Variants in PTPRN2 observed in about 807,000 individuals in gnomAD.
PTPRN2 encodes protein tyrosine phosphatase receptor type N2, also known as receptor-type tyrosine-protein phosphatase N2.
Under a neutral mutation model 118.8 loss-of-function variants are expected in PTPRN2, and 74 were observed. The observed-to-expected ratio is 0.62, with a 90% CI of 0.52 to 0.76. PTPRN2 has a LOEUF of 0.76. PTPRN2 is among the 30% of genes least tolerant of loss of function. The probability of loss-of-function intolerance (pLI) is 0.00; values close to 1 mark genes in which losing one functional copy is unlikely to be tolerated. For synonymous variants in PTPRN2, 641 were observed against 608.0 expected (o/e 1.05, Z -0.80); for missense variants, 1,481 against 1,394.4 (o/e 1.06, Z -0.99).
chr7:158,136,264 C>A (rs780452476), intron 8 of PTPRN2, among the ~76,000 whole-genome samples: 1 of 152,200 alleles, frequency 6.6e-6, no homozygotes, highest in Non-Finnish European at 1.5e-5. Flanking sequence ...AGGTGCCACA[C>A]GGGACAGCCA....
At chr7:158,052,879 C>T (rs1419964691) in intron 11 of PTPRN2, among the ~76,000 whole-genome samples, 1 of 152,206 alleles carries the variant, frequency 6.6e-6, no homozygotes, top group Non-Finnish European at 1.5e-5. Flanking sequence ...CCAGGCTGTC[C>T]CCAGCCTAGG....
At chr7:158,101,490 G>A (rs1284142624) in intron 10 of PTPRN2, among the ~76,000 whole-genome samples, 2 of 152,174 alleles carry the variant, frequency 1.3e-5, no homozygotes, top group Non-Finnish European at 2.9e-5. Flanking sequence ...GAACCCAATA[G>A]CAAATGCAAC....
chr7:158,425,065 C>T (rs1815597111), intron 2 of PTPRN2, among the ~76,000 whole-genome samples: 1 of 152,242 alleles, frequency 6.6e-6, no homozygotes, highest in African/African-American at 2.4e-5. Flanking sequence ...ATGTGGCCAT[C>T]ACTTGAGGCC....
At chr7:157,995,573 G>A (rs1454392337) in intron 11 of PTPRN2, among the ~76,000 whole-genome samples, 2 of 152,262 alleles carry the variant, frequency 1.3e-5, no homozygotes, top group Admixed American at 6.5e-5. Context: ...TTCCTGGAAG[G>A]CAGCAAACCT....
chr7:157,825,149 T>C (rs1807089810), intron 12 of PTPRN2, among the ~76,000 whole-genome samples: 1 of 152,208 alleles, frequency 6.6e-6, no homozygotes, highest in Admixed American at 6.5e-5. Context: ...CCAGCCTTTC[T>C]TGAAGCTGGA....
intron 11 of PTPRN2, among the ~76,000 whole-genome samples, chr7:157,980,682 G>A (rs1803071091): frequency 6.6e-6 from 1 of 152,178 alleles, no homozygotes; most frequent in Non-Finnish European, 1.5e-5. Context: ...ACCTGGCTGG[G>A]CGGAGGTTGC....
chr7:158,325,050 CCCA>C (rs1261781210), intron 2 of PTPRN2, among the ~76,000 whole-genome samples: 1 of 152,116 alleles, frequency 6.6e-6, no homozygotes, highest in Non-Finnish European at 1.5e-5. Context: ...TCCCCCAGTC[CCCA>C]CAATTATCCA....
chr7:158,340,545 C>T (rs1463633210), intron 2 of PTPRN2, among the ~76,000 whole-genome samples: 1 of 127,766 alleles, frequency 7.8e-6, no homozygotes. Flanking sequence ...CTGTCGCCCG[C>T]AGAGGTCACT....
intron 3 of PTPRN2, among the ~76,000 whole-genome samples, chr7:158,271,109 C>A (rs1284258153): frequency 6.7e-6 from 1 of 149,608 alleles, no homozygotes; most frequent in Admixed American, 6.7e-5. Context: ...GCCCCCTCCA[C>A]CTGGACCACC....
chr7:158,128,219 C>T (rs1817856309), intron 9 of PTPRN2, among the ~76,000 whole-genome samples: 1 of 152,166 alleles, frequency 6.6e-6, no homozygotes, highest in Non-Finnish European at 1.5e-5. Flanking sequence ...AAGAGAATCA[C>T]AAATTATTAG....
intron 11 of PTPRN2, among the ~76,000 whole-genome samples, chr7:157,946,509 A>T (rs1262804936): frequency 6.6e-6 from 1 of 152,208 alleles, no homozygotes; most frequent in African/African-American, 2.4e-5. Context: ...CTTTGTTATC[A>T]GCATGCAGCC....
intron 12 of PTPRN2, among the ~76,000 whole-genome samples, chr7:157,848,372 C>A (rs560809490): frequency 6.7e-6 from 1 of 149,728 alleles, no homozygotes. Flanking sequence ...TTTACAGAGC[C>A]CTCTTTCATT....
In PTPRN2 at chr7:157,787,392, T is replaced by A. The variant is rs1302583159; in HGVS notation, c.1789-104455A>T. ...CTCTGCTGGGAGTGACATCTGAAGA[T>A]GCCATAGAAAGTCTGGCGCAGCAGC... On this transcript the variant is annotated intron_variant, in intron 12 of 22. Transcript: ENST00000389418. This position sits in a 1 kb window ranked among gnomAD's most constrained non-coding sequence, Gnocchi z 5.3. Among the ~76,000 whole-genome samples, 1 of 152,040 alleles carries A rather than the reference T, an allele frequency of 6.6e-6. No homozygotes were observed. The highest frequency in any genetic ancestry group is 1.5e-5 in the Non-Finnish European group (1 of 67,984).
chr7:157,882,726 T>C (rs193086142), intron 12 of PTPRN2, among the ~76,000 whole-genome samples: 2 of 142,554 alleles, frequency 1.4e-5, no homozygotes, highest in East Asian at 4.3e-4. Context: ...CAAAAAACTG[T>C]TGAAGAACAG....
chr7:157,772,218 G>A (rs554382974), intron 12 of PTPRN2, among the ~76,000 whole-genome samples: 2 of 143,052 alleles, frequency 1.4e-5, no homozygotes, highest in Non-Finnish European at 3.1e-5. Context: ...GACACACATA[G>A]ACACAGACAC....
At chr7:158,488,228 C>T (rs1416372913) in intron 2 of PTPRN2, among the ~76,000 whole-genome samples, 3 of 152,258 alleles carry the variant, frequency 2.0e-5, no homozygotes, top group Admixed American at 2.0e-4. Flanking sequence ...CTTAAGGCTG[C>T]CTCCAAATTA....
In PTPRN2 at chr7:158,310,613, C is replaced by A. The variant is rs1801629827; in HGVS notation, c.277+6206G>T. ...CACTGGGCCTGCTCGGGAGGTTCCT[C>A]CATTGCCCTGCGCAGCCTGAGCCAG... On this transcript the variant is annotated intron_variant, in intron 3 of 22. Coordinates refer to ENST00000389418, the MANE Select transcript of PTPRN2 (RefSeq NM_002847.5). Among the ~76,000 whole-genome samples the A allele has an allele frequency of 2.0e-5, 3 of 152,354 alleles. No homozygotes were observed. In the South Asian group the frequency reaches 6.2e-4, roughly 32 times the overall value.
At position 157,603,973 on chromosome 7, in the gene PTPRN2, T is replaced by G. The variant is rs1038840712; in HGVS notation, c.2418+29A>C. The G allele has an allele frequency of 6.2e-7, 1 of 1,607,992 alleles. No individual in the cohort carries two copies. Among genetic ancestry groups the G allele is most frequent in the Non-Finnish European group, 8.5e-7 (1 of 1,175,234 alleles). ...CGTCCGTGCCACCCAAGGGAAAGCC[T>G]GGGGCCCCTGTCCCGGCAGTGCACT... On this transcript the variant is annotated intron_variant, in intron 16 of 22. Transcript: ENST00000389418. This position sits in a 1 kb window ranked among gnomAD's most constrained non-coding sequence, Gnocchi z 5.4.
intron 12 of PTPRN2, among the ~76,000 whole-genome samples, chr7:157,797,999 C>T (rs560203770): frequency 1.3e-5 from 2 of 152,228 alleles, no homozygotes; most frequent in Non-Finnish European, 2.9e-5. Flanking sequence ...TGGCTCATGC[C>T]TGTAATCCCG....
Sources: gnomAD v4.1 joint callset for allele counts (sites outside exome capture counted in the v4.1 genomes callset) on GRCh38, gnomAD v4.1.1 for gene constraint, Gnocchi (gnomAD v3.1) non-coding constraint, MANE v1.5 for transcripts, NCBI Gene and HGNC (gene_info 2026-07-23, HGNC 2026-07-21) for gene names.